Variants in XYLT2 observed in about 807,000 individuals in gnomAD.
The protein encoded by XYLT2 is xylosyltransferase 2, also known as UDP-D-xylose:proteoglycan core protein beta-D-xylosyltransferase.
In XYLT2, 37 loss-of-function variants were observed where a neutral mutation model predicts 82.6. The ratio of observed to expected loss-of-function variants is 0.45; its 90% confidence interval spans 0.34 to 0.59. XYLT2 has a LOEUF of 0.59. XYLT2 is among the 20% of genes least tolerant of loss of function. The pLI is 0.01. For synonymous variants in XYLT2, 474 were observed against 499.0 expected (o/e 0.95, Z 0.67); for missense variants, 934 against 1,181.3 (o/e 0.79, Z 3.07).
At chr17:50,353,476 C>A (rs1912353143) in intron 1 of XYLT2, among the ~76,000 whole-genome samples, 154 bp from the exon 2 acceptor site, 2 of 152,232 alleles carry the variant, frequency 1.3e-5, no homozygotes, top group Admixed American at 1.3e-4. Context: ...CATGGTGGTA[C>A]TGATTGTGCG....
rs74334975 is a variant in XYLT2, at chr17:50,352,479, C to G, written c.136-1151C>G. 7.6e-3 allele frequency among the ~76,000 whole-genome samples: 1,150 copies of G among 152,278 alleles called. 17 individuals are homozygous for G. The highest frequency in any genetic ancestry group is 0.027 in the African/African-American group (1,108 of 41,546). ...GAACATCCAGGGCCTTGGAGCCCAG[C>G]CCATTCCACTGCAGGGCAAATGGAA... On this transcript the variant is annotated intron_variant, in intron 1 of 10. Coordinates refer to ENST00000017003, the MANE Select transcript of XYLT2 (RefSeq NM_022167.4).
At chr17:50,353,133 C>T (rs779439540) in intron 1 of XYLT2, among the ~76,000 whole-genome samples, 11 of 152,164 alleles carry the variant, frequency 7.2e-5, no homozygotes, top group Non-Finnish European at 1.3e-4. Context: ...ACTCCTCCTT[C>T]GCTGTGAGGT....
Position 50,360,344 on chromosome 17 carries a change from A to G in XYLT2, c.*53A>G, listed in dbSNP as rs527677091. 1 of 1,482,318 alleles carries G rather than the reference A, an allele frequency of 6.7e-7. No homozygotes were observed. Among genetic ancestry groups the G allele is most frequent in the Admixed American group, 2.5e-5 (1 of 40,384 alleles). The allele number at this position is 1,482,318 out of a possible 1,614,324, so 91.8% of individuals were successfully genotyped here. ...ACCCGGGAAATTGCACCTTACAGAC[A>G]GTGGAGGGGTGTCCCCTCCCACAGG... On this transcript the variant is annotated 3_prime_UTR_variant, in exon 11 of 11. Transcript: ENST00000017003.
In XYLT2 at chr17:50,355,705, T is replaced by C. The variant is rs956613517; in HGVS notation, c.1089-76T>C. ...CACACCAGTCACAGGTTGAGGAGTG[T>C]TGGTTGCCAGGCGGGTGAAAGAGCT... On this transcript the variant is annotated intron_variant, in intron 5 of 10. Coordinates refer to ENST00000017003, the MANE Select transcript of XYLT2 (RefSeq NM_022167.4). The C allele has an allele frequency of 7.5e-6, 12 of 1,589,794 alleles. No individual in the cohort carries two copies. The African/African-American group carries it at 1.1e-4, about 14-fold the overall frequency.
chr17:50,355,573 C>A lies in XYLT2; in HGVS notation c.1080C>A (p.Asp360Glu). Reference protein sequence around the residue: ...DKNFLKSHGRDNSRFIKKQGL... With the variant: ...DKNFLKSHGRENSRFIKKQGL... ...ATTTCCTCAAGTCACATGGCCGGGACAACTCCAGGTGAGGGGGTGGGGAAG... is the reference window on the plus strand; with the variant it reads ...ATTTCCTCAAGTCACATGGCCGGGAAAACTCCAGGTGAGGGGGTGGGGAAG... The change falls in exon 5 of 11, where the codon GAC becomes GAA. Residue 360 changes from aspartate to glutamate, a missense_variant. Asp to Glu is a conservative substitution (Grantham distance 45, BLOSUM62 2). This residue lies in a region of XYLT2 where 189 missense variants were observed against 320.8 expected (regional missense o/e 0.59). Coordinates refer to ENST00000017003, the MANE Select transcript of XYLT2 (RefSeq NM_022167.4). The A allele has an allele frequency of 6.2e-7, 1 of 1,614,082 alleles. No individual in the cohort carries two copies.
At chr17:50,347,703 G>C (rs560754955) in intron 1 of XYLT2, among the ~76,000 whole-genome samples, 1 of 152,358 alleles carries the variant, frequency 6.6e-6, no homozygotes, top group African/African-American at 2.4e-5. Flanking sequence ...TGAATGAATA[G>C]GGGAATCCTG....
intron 1 of XYLT2, among the ~76,000 whole-genome samples, chr17:50,347,698 G>A (rs1598346711): frequency 6.6e-6 from 1 of 152,356 alleles, no homozygotes; most frequent in East Asian, 1.9e-4. Flanking sequence ...CTGGCTGAAT[G>A]AATAGGGGAA....
chr17:50,357,532 G>A (rs1404149012), intron 9 of XYLT2: 1 of 378,746 alleles, frequency 2.6e-6, no homozygotes, highest in African/African-American at 2.1e-5. Flanking sequence ...ATTTCGCCTA[G>A]AGGGGCAGGG....
rs1353598617 is a variant in XYLT2 at position 50,360,562 on chromosome 17, C to CTTTT, written c.*276_*279dup. Reference sequence around the variant, plus strand: ...TCACCTTCCTGTCTAGTTTGAATTTCTTTTTTTTCTTTTTTTTTTTTTTTT... The same window carrying CTTTT: ...TCACCTTCCTGTCTAGTTTGAATTTCTTTTTTTTTTTTCTTTTTTTTTTTTTTTT... On this transcript the variant is annotated 3_prime_UTR_variant, in exon 11 of 11. Transcript: ENST00000017003. 1.3e-5 allele frequency: 13 copies of CTTTT among 1,014,388 alleles called. No homozygotes were observed. The African/African-American group carries it at 2.3e-4, about 18-fold the overall frequency. The allele number at this position is 1,014,388 out of a possible 1,614,324, so 62.8% of individuals were successfully genotyped here.
rs759775376 is a variant in XYLT2 at position 50,354,484 on chromosome 17, C to G, written c.705C>G (p.Ala235=). ...TGGATGGCCCCCCGGTGCGAATCGC[C>G]TACATGCTGGTGGTTCACGGCCGCG... ...QPMDGPPVRI[A]YMLVVHGRAI... The change falls in exon 3 of 11, where the codon GCC becomes GCG. Residue 235 remains alanine, a synonymous_variant. Coordinates refer to ENST00000017003, the MANE Select transcript of XYLT2 (RefSeq NM_022167.4). 6.2e-7 allele frequency: 1 copy of G among 1,613,214 alleles called. No homozygotes were observed. The highest frequency in any genetic ancestry group is 1.1e-5 in the South Asian group (1 of 91,052).
At chr17:50,354,754 C>G in intron 3 of XYLT2, 100 bp from the exon 4 acceptor site, 1 of 1,565,562 alleles carries the variant, frequency 6.4e-7, no homozygotes, top group Non-Finnish European at 8.7e-7. Context: ...TGGAGCCCTG[C>G]CCTGTGCTTT....
rs1912752378 is a variant in XYLT2 at position 50,360,394 on chromosome 17, C to A, written c.*103C>A. ...GCAAGAACCAGAGGCCCAGGCTGCA[C>A]ACCCATTTCAGCCATCAAGAACCCA... On this transcript the variant is annotated 3_prime_UTR_variant, in exon 11 of 11. Transcript: ENST00000017003. 2.1e-6 allele frequency: 3 copies of A among 1,439,880 alleles called. No individual in the cohort carries two copies. The highest frequency in any genetic ancestry group is 2.0e-4 in the Middle Eastern group (1 of 5,102). 89.2% of individuals were successfully genotyped at this position (1,439,880 alleles called of 1,614,324 possible).
At chr17:50,349,366 G>A (rs543509295) in intron 1 of XYLT2, among the ~76,000 whole-genome samples, 1 of 152,242 alleles carries the variant, frequency 6.6e-6, no homozygotes, top group South Asian at 2.1e-4. Flanking sequence ...CCCCAGTGTG[G>A]GTAGAGAATA....
Position 50,358,376 on chromosome 17 carries a change from C to A in XYLT2, c.2111C>A (p.Thr704Lys), listed in dbSNP as rs753750244. Residue 704 changes from threonine to lysine, a missense_variant, in exon 10 of 11, where the codon ACA becomes AAA. Thr to Lys is a moderately conservative substitution (Grantham distance 78). Coordinates refer to ENST00000017003, the MANE Select transcript of XYLT2 (RefSeq NM_022167.4). Reference sequence around the variant, plus strand: ...GTGGTGGCCACATCTTATGACATCACAGTAGATACGGAGACTGAGGTCACG... The same window carrying A: ...GTGGTGGCCACATCTTATGACATCAAAGTAGATACGGAGACTGAGGTCACG... ...TYVVATSYDI[T>K]VDTETEVTQY... is the part of the protein sequence containing the mutation. The A allele has an allele frequency of 1.9e-6, 3 of 1,614,122 alleles. No individual in the cohort carries two copies.
chr17:50,349,034 C>T (rs1179095121), intron 1 of XYLT2, among the ~76,000 whole-genome samples: 1 of 152,238 alleles, frequency 6.6e-6, no homozygotes, highest in Non-Finnish European at 1.5e-5. Context: ...CCAGCCTCCT[C>T]TGGGATTGTC....
At position 50,346,318 on chromosome 17, in the gene XYLT2, C is replaced by A. The variant is rs1912034721; in HGVS notation, c.135+43C>A. 13 of 1,025,222 alleles carry A rather than the reference C, an allele frequency of 1.3e-5. No individual in the cohort carries two copies. Among genetic ancestry groups the A allele is most frequent in the South Asian group, 4.3e-5 (1 of 23,374 alleles). The allele number at this position is 1,025,222 out of a possible 1,614,324, so 63.5% of individuals were successfully genotyped here. A position where few individuals can be genotyped will look rare whatever the true frequency, so the allele number is the denominator to read the frequency against. On this transcript the variant is annotated intron_variant, in intron 1 of 10. Transcript: ENST00000017003. The surrounding 1 kb of genome is among the most constrained non-coding windows in gnomAD (Gnocchi z 5.1). ...CGGGCGGGCAGGCCGGGCGCGGGGG[C>A]GCGCGGGGTCCTGGCGGGGCTGCGG...
chr17:50,354,906 A>C lies in XYLT2; in HGVS notation c.857A>C (p.Asn286Thr). ...GTGGAGCTGGCCCAGGGCTATGATA[A>C]CGTGCGGGTGACGCCCTGGCGCATG... ...EVVELAQGYDNVRVTPWRMVT... is the reference protein window; with the variant it reads ...EVVELAQGYDTVRVTPWRMVT... Residue 286 changes from asparagine to threonine, a missense_variant, in exon 4 of 11, where the codon AAC becomes ACC. Transcript: ENST00000017003. 2 of 1,610,582 alleles carry C rather than the reference A, an allele frequency of 1.2e-6. No homozygotes were observed. The highest frequency in any genetic ancestry group is 1.7e-6 in the Non-Finnish European group (2 of 1,178,336).
In XYLT2 at chr17:50,358,377, A is replaced by T; in HGVS notation, c.2112A>T (p.Thr704=). The change falls in exon 10 of 11, where the codon ACA becomes ACT. Residue 704 remains threonine (T), a synonymous_variant. Transcript: ENST00000017003. ...TYVVATSYDI[T]VDTETEVTQY... is the part of the protein sequence containing the mutation. ...TGGTGGCCACATCTTATGACATCAC[A>T]GTAGATACGGAGACTGAGGTCACGC... 6.8e-6 allele frequency: 11 copies of T among 1,614,104 alleles called. No homozygotes were observed. The highest frequency in any genetic ancestry group is 9.3e-6 in the Non-Finnish European group (11 of 1,180,032).
At chr17:50,353,301 G>GC in intron 1 of XYLT2, among the ~76,000 whole-genome samples, 1 of 152,248 alleles carries the variant, frequency 6.6e-6, no homozygotes, top group South Asian at 2.1e-4. Context: ...TGGGACACAC[G>GC]TAGATATTTA....
Sources: gnomAD v4.1 joint callset for allele counts (sites outside exome capture counted in the v4.1 genomes callset) on GRCh38, gnomAD v4.1.1 for gene constraint, gnomAD v4.1.1 regional missense constraint, Gnocchi (gnomAD v3.1) non-coding constraint, MANE v1.5 for transcripts, NCBI Gene and HGNC (gene_info 2026-07-23, HGNC 2026-07-21) for gene names.